DSE: variants seen among roughly 807,000 people sequenced by gnomAD.
The protein encoded by DSE is dermatan sulfate epimerase.
A neutral mutation model predicts 84.4 loss-of-function variants in DSE; 36 were observed. The observed-to-expected ratio is 0.43, with a 90% CI of 0.33 to 0.56. The LOEUF (loss-of-function observed/expected upper bound fraction) is 0.56, where lower values mean the gene tolerates loss of function less well. Ranked by LOEUF, DSE falls within the 20% of genes least tolerant of loss-of-function variation. The probability of loss-of-function intolerance (pLI) is 0.06; values close to 1 mark genes in which losing one functional copy is unlikely to be tolerated. For synonymous variants in DSE, 410 were observed against 430.1 expected (o/e 0.95, Z 0.58); for missense variants, 862 against 1,169.6 (o/e 0.74, Z 3.84).
intron 1 of DSE, among the ~76,000 whole-genome samples, chr6:116,393,080 G>T (rs143303541): frequency 3.5e-4 from 53 of 152,298 alleles, no homozygotes; most frequent in African/African-American, 1.2e-3. Context: ...CAGGGACTGT[G>T]TTTCCCAGTC....
chr6:116,272,293 T>C (rs892075801), intron 2 of DSE, among the ~76,000 whole-genome samples: 6 of 152,228 alleles, frequency 3.9e-5, no homozygotes, highest in Non-Finnish European at 8.8e-5. Context: ...TAAATTATAC[T>C]TTATTAAAGA....
At chr6:116,279,396 C>G (rs1209114564) in intron 2 of DSE, 1 of 1,613,174 alleles carries the variant, frequency 6.2e-7, no homozygotes, top group African/African-American at 1.3e-5. Context: ...CCGCCCCCGC[C>G]GTCAGCTCAG....
chr6:116,287,774 C>T (rs1047482247), intron 2 of DSE, among the ~76,000 whole-genome samples: 1 of 152,042 alleles, frequency 6.6e-6, no homozygotes, highest in Non-Finnish European at 1.5e-5. Flanking sequence ...TACTAAAATT[C>T]ACATCTACAA....
Position 116,394,674 on chromosome 6 carries a change from C to T in DSE, c.-53-4524C>T, listed in dbSNP as rs374091950. ...TGTTGACCAGGCTGGTCTCAAACTC[C>T]TGACCTCAACTGATCCTCCTACCTC... On this transcript the variant is annotated intron_variant, in intron 1 of 5. Coordinates refer to ENST00000644252, the MANE Select transcript of DSE (RefSeq NM_013352.4). Among the ~76,000 whole-genome samples, 9 of 152,190 alleles carry T rather than the reference C, an allele frequency of 5.9e-5. No homozygotes were observed. In the East Asian group the frequency reaches 1.3e-3, roughly 23 times the overall value.
intron 5 of DSE, among the ~76,000 whole-genome samples, chr6:116,435,139 C>T (rs143543943): frequency 1.3e-5 from 2 of 152,118 alleles, no homozygotes; most frequent in Non-Finnish European, 2.9e-5. Flanking sequence ...TTTTCAATAC[C>T]AAACATTCAA....
intron 3 of DSE, among the ~76,000 whole-genome samples, chr6:116,428,881 G>T (rs1264313432): frequency 6.6e-6 from 1 of 151,998 alleles, no homozygotes; most frequent in Non-Finnish European, 1.5e-5. Flanking sequence ...GTATTCGGGT[G>T]GCAGAAAAAA....
chr6:116,310,470 C>T (rs1308379188), intron 2 of DSE, among the ~76,000 whole-genome samples: 1 of 152,034 alleles, frequency 6.6e-6, no homozygotes, highest in Non-Finnish European at 1.5e-5. Context: ...TTACTATGTC[C>T]TTCTTGACAT....
chr6:116,338,828 A>G (rs138626027), intron 2 of DSE, among the ~76,000 whole-genome samples: 2,301 of 152,308 alleles, frequency 0.015, 31 homozygotes, highest in Middle Eastern at 0.048. Flanking sequence ...ACTTCATGAC[A>G]GTTAATCAAA....
intron 1 of DSE, among the ~76,000 whole-genome samples, chr6:116,395,335 G>A (rs1273825647): frequency 6.6e-6 from 1 of 152,094 alleles, no homozygotes; most frequent in Non-Finnish European, 1.5e-5. Flanking sequence ...TGAGGCAGGA[G>A]AATGGCGTGA....
At chr6:116,384,060 A>G (rs1160235528) in intron 1 of DSE, among the ~76,000 whole-genome samples, 2 of 152,252 alleles carry the variant, frequency 1.3e-5, no homozygotes, top group Non-Finnish European at 2.9e-5. Context: ...AAATAGTAAC[A>G]CTAATCAAGT....
chr6:116,370,383 C>T, upstream of DSE: 1 of 881,686 alleles, frequency 1.1e-6, no homozygotes, highest in Non-Finnish European at 1.4e-6. Context: ...TGACCCCCGC[C>T]CCAAAGTCCC....
intron 2 of DSE, among the ~76,000 whole-genome samples, chr6:116,402,839 G>A (rs1781680842): frequency 6.6e-6 from 1 of 152,150 alleles, no homozygotes; most frequent in Non-Finnish European, 1.5e-5. Flanking sequence ...TAACAATGAT[G>A]TGTCATTTGT....
intron 2 of DSE, among the ~76,000 whole-genome samples, chr6:116,361,425 T>G (rs1353664478): frequency 6.6e-6 from 1 of 152,238 alleles, no homozygotes; most frequent in Non-Finnish European, 1.5e-5. Context: ...TGAGCTTTTT[T>G]GAGATTTACA....
intron 2 of DSE, among the ~76,000 whole-genome samples, chr6:116,324,028 T>C (rs4946157): frequency 0.7 from 105,684 of 151,892 alleles, 37,959 homozygotes; most frequent in South Asian, 0.83. Flanking sequence ...AGAGGCAAGG[T>C]AAGAGGACAA....
intron 4 of DSE, among the ~76,000 whole-genome samples, chr6:116,432,121 T>C (rs1014262854): frequency 2.0e-5 from 3 of 152,238 alleles, no homozygotes; most frequent in African/African-American, 7.2e-5. Flanking sequence ...TGTTGCTTTT[T>C]CTTAGACATG....
chr6:116,429,400 G>A (rs558180391), intron 3 of DSE, among the ~76,000 whole-genome samples: 1 of 152,280 alleles, frequency 6.6e-6, no homozygotes, highest in African/African-American at 2.4e-5. Context: ...CATGTTTGTG[G>A]AAGTAAAGCA....
intron 2 of DSE, among the ~76,000 whole-genome samples, chr6:116,299,559 C>T (rs1182589282): frequency 0.015 from 728 of 48,642 alleles, 27 homozygotes; most frequent in African/African-American, 0.031. Context: ...TATACACATA[C>T]ACACACACAC....
At chr6:116,433,853 A>T (rs1583232870) in intron 5 of DSE, among the ~76,000 whole-genome samples, 1 of 152,196 alleles carries the variant, frequency 6.6e-6, no homozygotes, top group Non-Finnish European at 1.5e-5. Flanking sequence ...TTTAACATCT[A>T]ATTACTGTTT....
chr6:116,334,325 A>T (rs1777116374), intron 2 of DSE, among the ~76,000 whole-genome samples: 1 of 152,216 alleles, frequency 6.6e-6, no homozygotes, highest in Non-Finnish European at 1.5e-5. Context: ...ATATTCTGAA[A>T]GATAAAGGAT....
Sources: allele counts gnomAD v4.1 joint callset (sites outside exome capture counted in the v4.1 genomes callset), GRCh38; gene constraint gnomAD v4.1.1; transcripts MANE v1.5; gene names NCBI Gene and HGNC (gene_info 2026-07-23, HGNC 2026-07-21).